Variants in SYT1 observed in about 807,000 individuals in gnomAD.
SYT1 encodes synaptotagmin 1.
Under a neutral mutation model 44.8 loss-of-function variants are expected in SYT1, and 8 were observed. That is an observed-to-expected ratio of 0.18 (90% CI 0.10 to 0.32). The LOEUF is 0.32. SYT1 is among the 10% of genes least tolerant of loss of function. The pLI is 1.00. For missense variants in SYT1, 286 were observed against 509.3 expected, an observed-to-expected ratio of 0.56 and a Z score of 4.22; for synonymous variants, 154 against 188.8, an observed-to-expected ratio of 0.82 and a Z score of 1.51.
At chr12:79,436,192 T>A (rs536422743) in intron 9 of SYT1, among the ~76,000 whole-genome samples, 6 of 152,204 alleles carry the variant, frequency 3.9e-5, no homozygotes, top group Non-Finnish European at 5.9e-5. Context: ...ACCTTTACAA[T>A]TTAAACAATT....
intron 9 of SYT1, among the ~76,000 whole-genome samples, chr12:79,426,602 A>C (rs985702930): frequency 6.6e-6 from 1 of 152,328 alleles, no homozygotes; most frequent in East Asian, 1.9e-4. Context: ...GCAATATTGT[A>C]TGATAGCGAT....
At chr12:79,224,421 G>A (rs1875363400) in intron 4 of SYT1, among the ~76,000 whole-genome samples, 2 of 152,108 alleles carry the variant, frequency 1.3e-5, no homozygotes, top group Admixed American at 1.3e-4. Context: ...GTTATTTTGG[G>A]GATGACCAGG....
At chr12:79,341,818 G>A (rs983353454) in intron 8 of SYT1, among the ~76,000 whole-genome samples, 10 of 151,536 alleles carry the variant, frequency 6.6e-5, no homozygotes, top group African/African-American at 1.2e-4. Context: ...ATAGGCACCC[G>A]CCACCATGCC....
At chr12:79,076,572 C>T (rs1317498456) in intron 3 of SYT1, among the ~76,000 whole-genome samples, 1 of 152,132 alleles carries the variant, frequency 6.6e-6, no homozygotes, top group African/African-American at 2.4e-5. Context: ...ATTGTGACCC[C>T]TGGTCCTCTG....
At position 79,449,075 on chromosome 12, in the gene SYT1, C is replaced by A; in HGVS notation, c.1220C>A (p.Thr407Asn). ...AGGCGACCTATTGCCCAGTGGCACA[C>A]CCTGCAGGTAGAGGAGGAAGTTGAT... ...NPRRPIAQWH[T>N]LQVEEEVDAM... The change falls in exon 11 of 11, where the codon ACC (threonine) becomes AAC (asparagine). Residue 407 changes from threonine (T) to asparagine (N), a missense_variant. Coordinates refer to ENST00000261205, the MANE Select transcript of SYT1 (RefSeq NM_005639.3). 1 of 1,614,080 alleles carries A rather than the reference C, an allele frequency of 6.2e-7. No individual in the cohort carries two copies. The highest frequency in any genetic ancestry group is 2.2e-5 in the East Asian group (1 of 44,862).
At chr12:79,247,893 T>A in intron 4 of SYT1, among the ~76,000 whole-genome samples, 1 of 152,298 alleles carries the variant, frequency 6.6e-6, no homozygotes, top group South Asian at 2.1e-4. Context: ...AGTATGAAAG[T>A]AATAAGAGCC....
intron 1 of SYT1, among the ~76,000 whole-genome samples, chr12:78,895,594 A>G (rs192951039): frequency 2.4e-3 from 366 of 151,922 alleles, no homozygotes; most frequent in Admixed American, 4.5e-3. Flanking sequence ...GTTGATCTAT[A>G]TACTTACCCA....
chr12:79,190,216 A>G (rs921242895), intron 3 of SYT1, among the ~76,000 whole-genome samples: 1 of 152,030 alleles, frequency 6.6e-6, no homozygotes, highest in African/African-American at 2.4e-5. Flanking sequence ...ATGCATATAT[A>G]TTTTTCAAGC....
intron 1 of SYT1, among the ~76,000 whole-genome samples, chr12:78,895,970 T>C (rs893186082): frequency 6.6e-6 from 1 of 151,726 alleles, no homozygotes; most frequent in African/African-American, 2.4e-5. Context: ...ATGCAGTTAT[T>C]TGGGAGCTTT....
At chr12:79,109,173 A>G (rs757149187) in intron 3 of SYT1, among the ~76,000 whole-genome samples, 1 of 152,128 alleles carries the variant, frequency 6.6e-6, no homozygotes, top group Non-Finnish European at 1.5e-5. Context: ...ACAAACTTTT[A>G]TGGCTCCAAC....
At chr12:79,335,073 A>G in intron 8 of SYT1, among the ~76,000 whole-genome samples, 1 of 152,124 alleles carries the variant, frequency 6.6e-6, no homozygotes, top group East Asian at 1.9e-4. Context: ...CTATCCCTTC[A>G]GGTGTGTTGA....
chr12:79,081,106 G>T (rs1217585505), intron 3 of SYT1, among the ~76,000 whole-genome samples: 2 of 152,142 alleles, frequency 1.3e-5, no homozygotes, highest in African/African-American at 2.4e-5. Context: ...GGACTGAAAA[G>T]ATTTTAAAAA....
chr12:79,079,496 T>C lies in SYT1; in HGVS notation c.-18+32134T>C, dbSNP rs1203728760. On this transcript the variant is annotated intron_variant, in intron 3 of 10. Transcript: ENST00000261205. The stretch of plus-strand genomic sequence containing the variant: ...CCCACTAATACAGATTATCATCTCA[T>C]TTAAATTATGATATATATGTTGTTA... Among the ~76,000 whole-genome samples the C allele has an allele frequency of 2.0e-5, 3 of 152,244 alleles. No homozygotes were observed. The East Asian group carries it at 5.8e-4, about 29-fold the overall frequency.
At chr12:79,119,381 C>A (rs932019653) in intron 3 of SYT1, among the ~76,000 whole-genome samples, 1 of 152,160 alleles carries the variant, frequency 6.6e-6, no homozygotes, top group African/African-American at 2.4e-5. Context: ...TGATCTGGTT[C>A]ACGCTTTCTT....
intron 3 of SYT1, among the ~76,000 whole-genome samples, chr12:79,191,523 T>C (rs1873123817): frequency 6.6e-6 from 1 of 152,186 alleles, no homozygotes; most frequent in Admixed American, 6.6e-5. Flanking sequence ...CACTATGACA[T>C]CCTGTTTTTA....
At chr12:78,962,369 A>G (rs1879556335) in intron 1 of SYT1, among the ~76,000 whole-genome samples, 1 of 148,866 alleles carries the variant, frequency 6.7e-6, no homozygotes, top group Non-Finnish European at 1.5e-5. Context: ...ATAATTAATA[A>G]TAGCATCACT....
intron 8 of SYT1, among the ~76,000 whole-genome samples, chr12:79,336,780 C>G (rs753481432): frequency 6.6e-6 from 1 of 152,178 alleles, no homozygotes; most frequent in Admixed American, 6.5e-5. Flanking sequence ...CCGGTGCACA[C>G]CACCATGCTG....
intron 4 of SYT1, among the ~76,000 whole-genome samples, chr12:79,218,431 G>T (rs1043562378): frequency 1.3e-5 from 2 of 152,072 alleles, no homozygotes; most frequent in African/African-American, 4.8e-5. Context: ...ATATCATGTT[G>T]TAGACATAAA....
intron 3 of SYT1, among the ~76,000 whole-genome samples, chr12:79,205,033 C>T (rs1391869588): frequency 1.4e-5 from 2 of 144,324 alleles, no homozygotes; most frequent in Non-Finnish European, 3.0e-5. Flanking sequence ...GGTGCAATCT[C>T]GGCTCACTGC....
Sources: allele counts gnomAD v4.1 joint callset (sites outside exome capture counted in the v4.1 genomes callset), GRCh38; gene constraint gnomAD v4.1.1; transcripts MANE v1.5; gene names NCBI Gene and HGNC (gene_info 2026-07-23, HGNC 2026-07-21).